The following ANKFN1 variants were observed in gnomAD, a reference collection of about 807,000 sequenced individuals.
ANKFN1 encodes the protein ankyrin repeat and fibronectin type III domain containing 1, also known as ankyrin repeat and fibronectin type-III domain-containing protein 1.
Under a neutral mutation model 108.7 loss-of-function variants are expected in ANKFN1, and 74 were observed. The ratio of observed to expected loss-of-function variants is 0.68; its 90% confidence interval spans 0.56 to 0.83. The LOEUF is 0.83. Ranked by LOEUF, ANKFN1 falls within the 40% of genes least tolerant of loss-of-function variation. ANKFN1 has a pLI of 0.00. For synonymous variants in ANKFN1, 547 were observed against 516.2 expected, an observed-to-expected ratio of 1.06 and a Z score of -0.81; for missense variants, 1,505 against 1,382.3, an observed-to-expected ratio of 1.09 and a Z score of -1.41.
At chr17:56,158,874 G>A (rs1296732753) in intron 1 of ANKFN1, among the ~76,000 whole-genome samples, 3 of 152,158 alleles carry the variant, frequency 2.0e-5, no homozygotes, top group East Asian at 1.9e-4. Flanking sequence ...CATATTTCAA[G>A]TAGGATAATT....
intron 4 of ANKFN1, among the ~76,000 whole-genome samples, chr17:56,074,879 C>G (rs1324754416): frequency 6.6e-6 from 1 of 152,174 alleles, no homozygotes; most frequent in East Asian, 1.9e-4. Flanking sequence ...CAGAGCGGAG[C>G]AGAGCCAGCC....
chr17:56,417,070 G>C (rs2048261536), intron 8 of ANKFN1, among the ~76,000 whole-genome samples: 1 of 151,998 alleles, frequency 6.6e-6, no homozygotes. Flanking sequence ...GAAGGGTAGT[G>C]GGAGGTTGGG....
intron 4 of ANKFN1, among the ~76,000 whole-genome samples, chr17:56,329,714 A>C (rs1050954114): frequency 6.6e-6 from 1 of 152,202 alleles, no homozygotes; most frequent in African/African-American, 2.4e-5. Flanking sequence ...ACATGTAAAA[A>C]CACTGCAACA....
intron 2 of ANKFN1, chr17:56,224,667 C>T (rs1382538786): frequency 6.6e-6 from 1 of 152,128 alleles, no homozygotes; most frequent in Non-Finnish European, 1.5e-5. Flanking sequence ...ATGGGATCAA[C>T]CACAGGAACC....
intron 6 of ANKFN1, among the ~76,000 whole-genome samples, chr17:56,359,106 A>ATAG (rs2046447932): frequency 6.6e-6 from 1 of 152,230 alleles, no homozygotes; most frequent in South Asian, 2.1e-4. Context: ...TACCTAGTAC[A>ATAG]TAGTAGATGC....
At chr17:56,213,085 G>T (rs903433609) in intron 2 of ANKFN1, among the ~76,000 whole-genome samples, 1 of 152,130 alleles carries the variant, frequency 6.6e-6, no homozygotes, top group African/African-American at 2.4e-5. Context: ...TTCACTAAAT[G>T]GTATCAAAGT....
intron 4 of ANKFN1, among the ~76,000 whole-genome samples, chr17:56,058,123 G>C (rs540057693): frequency 6.6e-6 from 1 of 152,286 alleles, no homozygotes; most frequent in South Asian, 2.1e-4. Context: ...TAGGGTATTT[G>C]GAATGGTAAA....
chr17:56,435,709 T>A (rs566388029), intron 8 of ANKFN1, among the ~76,000 whole-genome samples: 11 of 152,058 alleles, frequency 7.2e-5, no homozygotes, highest in South Asian at 6.3e-4. Context: ...GCATTTGAGA[T>A]TTTAGGGAGA....
chr17:56,242,743 G>A (rs752482762), intron 3 of ANKFN1, among the ~76,000 whole-genome samples: 4 of 151,688 alleles, frequency 2.6e-5, no homozygotes, highest in East Asian at 1.9e-4. Context: ...GACTTGTCTC[G>A]GACTTTAGTA....
At chr17:56,255,788 T>G (rs1002941025) in intron 3 of ANKFN1, among the ~76,000 whole-genome samples, 2 of 152,238 alleles carry the variant, frequency 1.3e-5, no homozygotes, top group African/African-American at 4.8e-5. Flanking sequence ...GTACCGTGAT[T>G]ATATTTTATC....
At chr17:56,264,989 C>T (rs2043611827) in intron 3 of ANKFN1, among the ~76,000 whole-genome samples, 1 of 152,052 alleles carries the variant, frequency 6.6e-6, no homozygotes, top group African/African-American at 2.4e-5. Flanking sequence ...TGTGATAACC[C>T]CATCTAAATT....
intron 4 of ANKFN1, among the ~76,000 whole-genome samples, chr17:56,085,062 T>C (rs1024385536): frequency 6.6e-6 from 1 of 150,606 alleles, no homozygotes; most frequent in Non-Finnish European, 1.5e-5. Context: ...AAGTGCTGAG[T>C]TGTTCATTTA....
At chr17:56,418,799 TAAA>T (rs34391024) in intron 8 of ANKFN1, among the ~76,000 whole-genome samples, 45 of 138,842 alleles carry the variant, frequency 3.2e-4, no homozygotes, top group South Asian at 1.2e-3. Context: ...CTTTCTAAGT[TAAA>T]AAAAAAAAAA....
intron 4 of ANKFN1, among the ~76,000 whole-genome samples, chr17:56,113,565 C>T (rs542820768): frequency 6.6e-6 from 1 of 152,288 alleles, no homozygotes; most frequent in African/African-American, 2.4e-5. Flanking sequence ...GGACAAGTTA[C>T]ACACCTTCTG....
At chr17:56,318,094 C>T (rs550550751) in intron 3 of ANKFN1, among the ~76,000 whole-genome samples, 1 of 152,310 alleles carries the variant, frequency 6.6e-6, no homozygotes, top group Non-Finnish European at 1.5e-5. Context: ...CAGTAGGTCA[C>T]TTAATGTCCC....
chr17:56,480,303 G>T (rs2050651962), intron 16 of ANKFN1, among the ~76,000 whole-genome samples: 1 of 152,220 alleles, frequency 6.6e-6, no homozygotes, highest in Non-Finnish European at 1.5e-5. Context: ...GAATTAGCCA[G>T]TAGATGCCCC....
intron 3 of ANKFN1, among the ~76,000 whole-genome samples, chr17:56,232,128 G>A (rs528327427): frequency 2.6e-5 from 4 of 152,136 alleles, no homozygotes; most frequent in African/African-American, 9.6e-5. Context: ...ATCTGATCCC[G>A]TATACTCTCT....
chr17:56,166,562 G>A (rs941573390), intron 1 of ANKFN1, among the ~76,000 whole-genome samples: 2 of 151,838 alleles, frequency 1.3e-5, no homozygotes, highest in South Asian at 2.1e-4. Flanking sequence ...TATTTCTAAC[G>A]TGAAGCCCAT....
At chr17:56,073,279 A>G (rs1393297758) in intron 4 of ANKFN1, among the ~76,000 whole-genome samples, 1 of 152,226 alleles carries the variant, frequency 6.6e-6, no homozygotes, top group African/African-American at 2.4e-5. Flanking sequence ...GGCGTGAGCC[A>G]CCGCGCCCGG....
Sources: gnomAD v4.1 joint callset for allele counts (sites outside exome capture counted in the v4.1 genomes callset) on GRCh38, gnomAD v4.1.1 for gene constraint, MANE v1.5 for transcripts, NCBI Gene and HGNC (gene_info 2026-07-23, HGNC 2026-07-21) for gene names.